Variants in MRC1 observed in about 807,000 individuals in gnomAD.
MRC1 encodes the protein mannose receptor C-type 1.
A neutral mutation model predicts 102.9 loss-of-function variants in MRC1; 62 were observed. The observed-to-expected ratio is 0.60, with a 90% confidence interval of 0.49 to 0.74. The LOEUF (loss-of-function observed/expected upper bound fraction) is 0.74, where lower values mean the gene tolerates loss of function less well. Ranked by LOEUF, MRC1 falls within the 30% of genes least tolerant of loss-of-function variation. The probability of loss-of-function intolerance (pLI) is 0.00; values close to 1 mark genes in which losing one functional copy is unlikely to be tolerated. For missense variants in MRC1, 1,237 were observed against 862.8 expected (o/e 1.43, Z -5.43); for synonymous variants, 457 against 298.4 (o/e 1.53, Z -5.48).
At chr10:17,862,952 G>C (rs1002912181) in intron 10 of MRC1, 2 of 152,976 alleles carry the variant, frequency 1.3e-5, no homozygotes, top group Non-Finnish European at 2.9e-5. Context: ...CTAAGGGAGA[G>C]AAAGTGTTGG....
At chr10:17,856,196 C>T in intron 8 of MRC1, 46 bp from the exon 9 acceptor site, 3 of 794,116 alleles carry the variant, frequency 3.8e-6, no homozygotes, top group Non-Finnish European at 6.6e-6. Context: ...AAAAGGTCCC[C>T]AAACTGATAA....
chr10:17,820,680 C>T (rs1191049599), intron 1 of MRC1, among the ~76,000 whole-genome samples: 2 of 151,072 alleles, frequency 1.3e-5, no homozygotes, highest in African/African-American at 4.9e-5. Context: ...AAGATAAGTC[C>T]AGCTTTAAAA....
intron 9 of MRC1, among the ~76,000 whole-genome samples, chr10:17,857,882 A>G (rs2130655268): frequency 6.6e-6 from 1 of 152,312 alleles, no homozygotes; most frequent in South Asian, 2.1e-4. Context: ...ACCCTAAACC[A>G]AGAAATCAAC....
chr10:17,824,123 T>C (rs1446509531), intron 2 of MRC1, among the ~76,000 whole-genome samples: 1 of 152,242 alleles, frequency 6.6e-6, no homozygotes, highest in Non-Finnish European at 1.5e-5. Flanking sequence ...TTATATGTAG[T>C]TGGTTTCTTG....
chr10:17,837,776 A>G (rs1298597578), intron 4 of MRC1, among the ~76,000 whole-genome samples: 1 of 151,670 alleles, frequency 6.6e-6, no homozygotes, highest in Non-Finnish European at 1.5e-5. Flanking sequence ...AATTTTTTGT[A>G]TTTTAGTAGA....
chr10:17,892,915 C>G (rs1327132687), intron 22 of MRC1, among the ~76,000 whole-genome samples: 1 of 150,212 alleles, frequency 6.7e-6, no homozygotes, highest in African/African-American at 2.5e-5. Context: ...GAGGCCGAGG[C>G]AGAAGAATTG....
chr10:17,907,906 A>G (rs1378218977), intron 28 of MRC1, among the ~76,000 whole-genome samples: 1 of 152,088 alleles, frequency 6.6e-6, no homozygotes, highest in Admixed American at 6.6e-5. Context: ...TAGCTGTTGT[A>G]TTGATTTTTG....
chr10:17,887,389 TCAAAACAAAACAAAA>T (rs1197311209), intron 22 of MRC1, among the ~76,000 whole-genome samples: 2 of 152,054 alleles, frequency 1.3e-5, no homozygotes, highest in Middle Eastern at 3.4e-3. Context: ...AGACTCCGCC[TCAAAACAAAACAAAA>T]CAAAACAAAA....
At chr10:17,822,037 TTTAA>T (rs1217485447) in intron 1 of MRC1, among the ~76,000 whole-genome samples, 2 of 152,212 alleles carry the variant, frequency 1.3e-5, no homozygotes, top group Non-Finnish European at 2.9e-5. Context: ...TCAATTTTGA[TTTAA>T]TTAAAGGAAA....
intron 12 of MRC1, among the ~76,000 whole-genome samples, chr10:17,867,032 T>C (rs1450907547): frequency 6.6e-6 from 1 of 151,568 alleles, no homozygotes; most frequent in African/African-American, 2.4e-5. Flanking sequence ...TCCTCTCTGC[T>C]TCTCTCCTTT....
intron 8 of MRC1, among the ~76,000 whole-genome samples, chr10:17,853,379 C>T (rs1225229180): frequency 1.3e-5 from 2 of 151,976 alleles, no homozygotes; most frequent in Admixed American, 1.3e-4. Context: ...GTAATGAATA[C>T]TCATATTGTT....
chr10:17,900,918 A>G lies in MRC1; in HGVS notation c.3614A>G (p.Asn1205Ser). Residue 1205 changes from asparagine to serine, a missense_variant, in exon 25 of 30, where the codon AAT becomes AGT. Asn to Ser is a conservative substitution (Grantham distance 46, BLOSUM62 1). Transcript: ENST00000569591. ...LDGYWKTAHCNESFYFLCKRS... is the reference protein window; with the variant it reads ...LDGYWKTAHCSESFYFLCKRS... Reference sequence around the variant, plus strand: ...GGCTACTGGAAGACAGCACATTGCAATGAAAGTTTTTACTTTCTCTGTAAA... The same window carrying G: ...GGCTACTGGAAGACAGCACATTGCAGTGAAAGTTTTTACTTTCTCTGTAAA... 1.3e-6 allele frequency: 1 copy of G among 780,668 alleles called. No homozygotes were observed. Among genetic ancestry groups the G allele is most frequent in the Non-Finnish European group, 2.4e-6 (1 of 417,908 alleles). 48.4% of individuals were successfully genotyped at this position (780,668 alleles called of 1,614,324 possible).
chr10:17,868,261 G>T (rs942543552), intron 12 of MRC1, among the ~76,000 whole-genome samples: 33 of 152,308 alleles, frequency 2.2e-4, no homozygotes, highest in African/African-American at 7.9e-4. Context: ...AAAGGAAAGA[G>T]GTTGAATTGT....
chr10:17,899,918 G>A (rs1833805151), intron 24 of MRC1, among the ~76,000 whole-genome samples: 1 of 151,812 alleles, frequency 6.6e-6, no homozygotes, highest in African/African-American at 2.4e-5. Flanking sequence ...GGCAAACATG[G>A]TGAAAACCCG....
At chr10:17,818,246 G>T (rs1244943790) in intron 1 of MRC1, among the ~76,000 whole-genome samples, 1 of 151,988 alleles carries the variant, frequency 6.6e-6, no homozygotes, top group African/African-American at 2.4e-5. Flanking sequence ...AATTTATCTG[G>T]GTTACTAGTT....
In MRC1 at chr10:17,870,231, C is replaced by A. The variant is rs996728054; in HGVS notation, c.1984-15C>A. The A allele has an allele frequency of 1.3e-6, 1 of 774,284 alleles. No homozygotes were observed. The highest frequency in any genetic ancestry group is 2.4e-6 in the Non-Finnish European group (1 of 416,038). 48.0% of individuals were successfully genotyped at this position (774,284 alleles called of 1,614,324 possible). A position where few individuals can be genotyped will look rare whatever the true frequency, so the allele number is the denominator to read the frequency against. Reference sequence around the variant, plus strand: ...ACAAAGCATAAAATAATTTTTGTAACCATATCATCTTCAGCTGTATGCAAA... The same window carrying A: ...ACAAAGCATAAAATAATTTTTGTAAACATATCATCTTCAGCTGTATGCAAA... On this transcript the variant is annotated splice_polypyrimidine_tract_variant and intron_variant, in intron 12 of 29. Transcript: ENST00000569591.
At chr10:17,876,848 C>T (rs1833444090) in intron 17 of MRC1, among the ~76,000 whole-genome samples, 1 of 151,698 alleles carries the variant, frequency 6.6e-6, no homozygotes, top group African/African-American at 2.4e-5. Flanking sequence ...TTATTTTTTC[C>T]AAGAGTGCTT....
chr10:17,815,677 G>A (rs1589162102), intron 1 of MRC1, among the ~76,000 whole-genome samples: 1 of 152,136 alleles, frequency 6.6e-6, no homozygotes, highest in African/African-American at 2.4e-5. Flanking sequence ...GACCCATACT[G>A]GGTTCATATT....
intron 12 of MRC1, among the ~76,000 whole-genome samples, chr10:17,867,385 T>TCTTCTC (rs1554841598): frequency 1.6e-4 from 21 of 131,086 alleles, no homozygotes; most frequent in Admixed American, 1.5e-3. Context: ...TTCTTCTTCT[T>TCTTCTC]CTCCTTCTTC....
Sources: gnomAD v4.1 joint callset for allele counts (sites outside exome capture counted in the v4.1 genomes callset) on GRCh38, gnomAD v4.1.1 for gene constraint, MANE v1.5 for transcripts, NCBI Gene and HGNC (gene_info 2026-07-23, HGNC 2026-07-21) for gene names.